Variants in WWTR1 observed in about 807,000 individuals in gnomAD.
The protein encoded by WWTR1 is WW domain-containing transcription regulator protein 1.
In WWTR1, 13 loss-of-function variants were observed where a neutral mutation model predicts 40.1. The observed-to-expected ratio is 0.32, with a 90% CI of 0.21 to 0.52. The LOEUF is 0.52. Among genes scored for constraint, WWTR1 ranks in the 20% least tolerant of loss-of-function variants. WWTR1 has a pLI of 0.97. For missense variants in WWTR1, 436 were observed against 523.1 expected, an observed-to-expected ratio of 0.83 and a Z score of 1.63; for synonymous variants, 230 against 210.1, an observed-to-expected ratio of 1.09 and a Z score of -0.82.
intron 2 of WWTR1, among the ~76,000 whole-genome samples, chr3:149,663,989 A>G (rs975774317): frequency 1.3e-5 from 2 of 152,220 alleles, no homozygotes; most frequent in Admixed American, 6.5e-5. Flanking sequence ...TGCCTAACCC[A>G]GTGGATTTTG....
At chr3:149,689,523 C>A (rs1714754646) in intron 1 of WWTR1, among the ~76,000 whole-genome samples, 1 of 147,938 alleles carries the variant, frequency 6.8e-6, no homozygotes, top group Non-Finnish European at 1.5e-5. Flanking sequence ...AGAAAAGAAA[C>A]AAGTAACACA....
chr3:149,533,878 T>A (rs181963993), intron 4 of WWTR1, among the ~76,000 whole-genome samples: 1 of 151,956 alleles, frequency 6.6e-6, no homozygotes. Flanking sequence ...CTGATAGTGT[T>A]AAATGGTGTG....
chr3:149,536,483 G>GA (rs201017048), intron 4 of WWTR1, among the ~76,000 whole-genome samples: 2 of 119,892 alleles, frequency 1.7e-5, no homozygotes, highest in Admixed American at 8.1e-5. Context: ...AAAAAAAAAA[G>GA]GGGGGGGCCT....
chr3:149,524,327 GT>G (rs3044124), intron 6 of WWTR1, among the ~76,000 whole-genome samples: 44 of 139,318 alleles, frequency 3.2e-4, no homozygotes, highest in Middle Eastern at 3.8e-3. Flanking sequence ...CTCTTTTATG[GT>G]TTTTTTTTTT....
chr3:149,623,687 G>A (rs982874292), intron 2 of WWTR1, among the ~76,000 whole-genome samples: 1 of 152,184 alleles, frequency 6.6e-6, no homozygotes, highest in Non-Finnish European at 1.5e-5. Flanking sequence ...ATCTGTATAA[G>A]TGGAAATTAT....
intron 2 of WWTR1, among the ~76,000 whole-genome samples, chr3:149,643,286 T>C (rs1488363749): frequency 3.3e-5 from 5 of 152,180 alleles, no homozygotes; most frequent in Non-Finnish European, 7.4e-5. Context: ...TTTGGAACCA[T>C]AAATTTTTTA....
At chr3:149,588,217 C>T (rs1738521696) in intron 2 of WWTR1, among the ~76,000 whole-genome samples, 1 of 152,164 alleles carries the variant, frequency 6.6e-6, no homozygotes, top group African/African-American at 2.4e-5. Context: ...TTTCTCCAGC[C>T]TGGCATATGA....
At chr3:149,606,354 A>G (rs1024697762) in intron 2 of WWTR1, among the ~76,000 whole-genome samples, 3 of 152,206 alleles carry the variant, frequency 2.0e-5, no homozygotes, top group African/African-American at 7.2e-5. Flanking sequence ...TCTCTAAGGC[A>G]GTCTTGGTTT....
intron 2 of WWTR1, among the ~76,000 whole-genome samples, chr3:149,580,398 C>A (rs1183427889): frequency 6.6e-6 from 1 of 152,134 alleles, no homozygotes; most frequent in Non-Finnish European, 1.5e-5. Context: ...TCACCTAAAA[C>A]CACAATGCAA....
chr3:149,558,002 C>CA (rs10554239), intron 3 of WWTR1, among the ~76,000 whole-genome samples: 1,579 of 82,604 alleles, frequency 0.019, 20 homozygotes, highest in East Asian at 0.053. Flanking sequence ...GGCTCCATCT[C>CA]AAAAAAAAAA....
intron 2 of WWTR1, among the ~76,000 whole-genome samples, chr3:149,588,954 A>G (rs1738571148): frequency 6.6e-6 from 1 of 152,156 alleles, no homozygotes; most frequent in Admixed American, 6.5e-5. Context: ...CAAAAGGGGG[A>G]AAAATGCAAT....
rs1292922885 is a variant in WWTR1 at position 149,533,758 on chromosome 3, C to T, written c.772-5789G>A. On this transcript the variant is annotated intron_variant, in intron 4 of 6. Coordinates refer to ENST00000360632, the MANE Select transcript of WWTR1 (RefSeq NM_015472.6). ...TAACCTTTCTTGACAGTTTGTTCAC[C>T]TGAAAAAAAAAAGGTGGTTTATAAG... Among the ~76,000 whole-genome samples, 4 of 151,376 alleles carry T rather than the reference C, an allele frequency of 2.6e-5. No homozygotes were observed. In the East Asian group the frequency reaches 7.8e-4, roughly 29 times the overall value.
intron 2 of WWTR1, among the ~76,000 whole-genome samples, chr3:149,576,844 A>C (rs112952583): frequency 3.4e-3 from 524 of 152,322 alleles, no homozygotes; most frequent in African/African-American, 0.012. Flanking sequence ...AAAAATACTA[A>C]TGAAGGTACA....
At chr3:149,688,357 T>A (rs1576641444) in intron 1 of WWTR1, among the ~76,000 whole-genome samples, 1 of 152,128 alleles carries the variant, frequency 6.6e-6, no homozygotes, top group African/African-American at 2.4e-5. Flanking sequence ...TTAGGTGTGA[T>A]CCAGCACAGT....
intron 4 of WWTR1, among the ~76,000 whole-genome samples, chr3:149,539,187 T>C (rs1192722393): frequency 6.6e-6 from 1 of 152,176 alleles, no homozygotes; most frequent in African/African-American, 2.4e-5. Context: ...ACTATATGCC[T>C]AGTGGAACAA....
chr3:149,553,832 G>A (rs1351239330), intron 3 of WWTR1, among the ~76,000 whole-genome samples: 4 of 152,108 alleles, frequency 2.6e-5, no homozygotes, highest in South Asian at 4.2e-4. Flanking sequence ...ACTGGCCAAC[G>A]TCAGGTGTCA....
upstream of WWTR1, chr3:149,658,213 G>C (rs1303101052): frequency 6.6e-6 from 1 of 152,506 alleles, no homozygotes; most frequent in Non-Finnish European, 1.5e-5. Context: ...TACTTTACTG[G>C]GTAAGAGGAG....
At chr3:149,533,788 A>T (rs1011668913) in intron 4 of WWTR1, among the ~76,000 whole-genome samples, 3 of 152,222 alleles carry the variant, frequency 2.0e-5, no homozygotes, top group Non-Finnish European at 4.4e-5. Context: ...TATAAGACTG[A>T]TCTTGCTGGG....
At chr3:149,669,216 C>A (rs1011135850) in intron 2 of WWTR1, among the ~76,000 whole-genome samples, 4 of 152,216 alleles carry the variant, frequency 2.6e-5, no homozygotes, top group Admixed American at 2.0e-4. Context: ...TACACATATA[C>A]AATATACCCC....
Sources: gnomAD v4.1 joint callset for allele counts (sites outside exome capture counted in the v4.1 genomes callset) on GRCh38, gnomAD v4.1.1 for gene constraint, MANE v1.5 for transcripts, NCBI Gene and HGNC (gene_info 2026-07-23, HGNC 2026-07-21) for gene names.